The following SLC44A5 variants were observed in gnomAD, a reference collection of about 807,000 sequenced individuals.
SLC44A5 encodes the protein choline transporter-like protein 5.
In SLC44A5, 57 loss-of-function variants were observed where a neutral mutation model predicts 101.8. That is an observed-to-expected ratio of 0.56 (90% CI 0.45 to 0.70). The LOEUF (loss-of-function observed/expected upper bound fraction) is 0.70, where lower values mean the gene tolerates loss of function less well. SLC44A5 is among the 30% of genes least tolerant of loss of function. The probability of loss-of-function intolerance (pLI) is 0.00; values close to 1 mark genes in which losing one functional copy is unlikely to be tolerated. For synonymous variants in SLC44A5, 281 were observed against 290.9 expected, an observed-to-expected ratio of 0.97 and a Z score of 0.35; for missense variants, 737 against 853.1, an observed-to-expected ratio of 0.86 and a Z score of 1.70.
At chr1:75,502,860 C>T (rs1669042297) in intron 2 of SLC44A5, among the ~76,000 whole-genome samples, 1 of 152,056 alleles carries the variant, frequency 6.6e-6, no homozygotes, top group Non-Finnish European at 1.5e-5. Context: ...TGTAATAGGC[C>T]TCGCACTGGG....
At chr1:75,525,059 A>G (rs1670338689) in intron 2 of SLC44A5, among the ~76,000 whole-genome samples, 1 of 152,154 alleles carries the variant, frequency 6.6e-6, no homozygotes, top group Non-Finnish European at 1.5e-5. Context: ...TATAGAAAAA[A>G]TGATATAAAT....
Position 75,251,197 on chromosome 1 carries a change from C to G in SLC44A5, c.345+13G>C. The G allele has an allele frequency of 6.3e-7, 1 of 1,593,990 alleles. No homozygotes were observed. Among genetic ancestry groups the G allele is most frequent in the East Asian group, 2.2e-5 (1 of 44,732 alleles). ...AACGGCTGACACTACCAGTGAGGCA[C>G]CTTTTGCCTTACCTGTGTGGTAGGG... On this transcript the variant is annotated intron_variant, in intron 7 of 23. Coordinates refer to ENST00000370859, the MANE Select transcript of SLC44A5 (RefSeq NM_001130058.2).
intron 2 of SLC44A5, among the ~76,000 whole-genome samples, chr1:75,409,072 T>C (rs1663101654): frequency 6.6e-6 from 1 of 152,102 alleles, no homozygotes; most frequent in Admixed American, 6.6e-5. Flanking sequence ...GAGGCCATTA[T>C]CCTAAGTGAA....
At chr1:75,516,469 A>G (rs1269568484) in intron 2 of SLC44A5, among the ~76,000 whole-genome samples, 1 of 152,176 alleles carries the variant, frequency 6.6e-6, no homozygotes, top group Non-Finnish European at 1.5e-5. Flanking sequence ...GTGAGCGGAG[A>G]TCGCACCACT....
chr1:75,374,244 C>T (rs913197120), intron 3 of SLC44A5, among the ~76,000 whole-genome samples: 2 of 152,196 alleles, frequency 1.3e-5, no homozygotes, highest in African/African-American at 4.8e-5. Flanking sequence ...AGTCAACACA[C>T]AAGCTGAATA....
chr1:75,537,059 G>A (rs1671094971), intron 2 of SLC44A5, among the ~76,000 whole-genome samples: 1 of 125,790 alleles, frequency 7.9e-6, no homozygotes, highest in South Asian at 2.7e-4. Context: ...AAATGATTCT[G>A]AATATGTATA....
intron 3 of SLC44A5, among the ~76,000 whole-genome samples, chr1:75,363,265 C>T (rs1659625622): frequency 6.6e-6 from 1 of 151,794 alleles, no homozygotes; most frequent in Non-Finnish European, 1.5e-5. Flanking sequence ...GTCATTCTGT[C>T]TTTTGATTGG....
At chr1:75,422,186 C>T (rs1664049473) in intron 2 of SLC44A5, among the ~76,000 whole-genome samples, 2 of 152,144 alleles carry the variant, frequency 1.3e-5, no homozygotes, top group African/African-American at 4.8e-5. Context: ...AAAGCAAACG[C>T]CCTTTCTGGA....
intron 2 of SLC44A5, among the ~76,000 whole-genome samples, chr1:75,442,998 C>T (rs905976871): frequency 1.3e-5 from 2 of 152,108 alleles, no homozygotes; most frequent in Non-Finnish European, 2.9e-5. Flanking sequence ...CATAACAAAA[C>T]CTTTTCAAAA....
intron 3 of SLC44A5, 116 bp downstream of exon 3, chr1:75,396,467 T>G: frequency 2.2e-6 from 2 of 891,938 alleles, no homozygotes; most frequent in Non-Finnish European, 3.5e-6. Context: ...AGTCAGCAAT[T>G]ATTCTTTACC....
chr1:75,619,841 T>C, the SLC44A5 span, among the ~76,000 whole-genome samples: 3,974 of 152,280 alleles, frequency 0.026, 72 homozygotes, highest in Non-Finnish European at 0.039. Context: ...ATTCTTTTTA[T>C]TATTATTATA....
intron 4 of SLC44A5, among the ~76,000 whole-genome samples, chr1:75,308,930 C>T (rs1305908849): frequency 6.6e-6 from 1 of 152,054 alleles, no homozygotes; most frequent in Non-Finnish European, 1.5e-5. Context: ...TACTATTTGT[C>T]ACCTCAAATT....
the SLC44A5 span, among the ~76,000 whole-genome samples, chr1:75,712,713 A>AAAAAATGAAAAAAAAAAAAAAAAAAAAAC: frequency 1.8e-5 from 2 of 110,642 alleles, no homozygotes; most frequent in South Asian, 3.1e-4. Flanking sequence ...AAAAAAAAAA[A>AAAAAATGAAAAAAAAAAAAAAAAAAAAAC]ATGGAAAAGA....
At chr1:75,435,435 C>T (rs915892340) in intron 2 of SLC44A5, among the ~76,000 whole-genome samples, 5 of 152,094 alleles carry the variant, frequency 3.3e-5, no homozygotes, top group African/African-American at 1.2e-4. Flanking sequence ...GAAAAAGGAG[C>T]CTTCTTTTCT....
At chr1:75,232,672 T>A (rs1271873849) in intron 12 of SLC44A5, among the ~76,000 whole-genome samples, 3 of 152,170 alleles carry the variant, frequency 2.0e-5, no homozygotes, top group Non-Finnish European at 2.9e-5. Context: ...CAATGCATAC[T>A]GATTGTCAGC....
At chr1:75,701,156 A>T in the SLC44A5 span, among the ~76,000 whole-genome samples, 1 of 152,192 alleles carries the variant, frequency 6.6e-6, no homozygotes, top group African/African-American at 2.4e-5. Context: ...AACTCATTTT[A>T]TGAGCCCAGC....
At chr1:75,531,630 C>T (rs1670724963) in intron 2 of SLC44A5, among the ~76,000 whole-genome samples, 1 of 152,172 alleles carries the variant, frequency 6.6e-6, no homozygotes, top group African/African-American at 2.4e-5. Context: ...TGGTCCGTGT[C>T]ACACTTTGAC....
intron 1 of SLC44A5, among the ~76,000 whole-genome samples, chr1:75,583,668 G>GAA (rs941240290): frequency 6.6e-6 from 1 of 152,112 alleles, no homozygotes; most frequent in Non-Finnish European, 1.5e-5. Flanking sequence ...TTTCTCTCAA[G>GAA]AAAAAACTCA....
chr1:75,238,503 A>T lies in SLC44A5; in HGVS notation c.656+10T>A, dbSNP rs773108502. On this transcript the variant is annotated intron_variant, in intron 10 of 23. Transcript: ENST00000370859. Reference sequence around the variant, plus strand: ...CATCAAACTGAAAATTAGAATGTAAACACACATACTTTGCAGCAATCCCGA... The same window carrying T: ...CATCAAACTGAAAATTAGAATGTAATCACACATACTTTGCAGCAATCCCGA... The T allele has an allele frequency of 6.4e-7, 1 of 1,568,180 alleles. No individual in the cohort carries two copies. The highest frequency in any genetic ancestry group is 1.2e-5 in the South Asian group (1 of 81,900).
Sources: gnomAD v4.1 joint callset for allele counts (sites outside exome capture counted in the v4.1 genomes callset) on GRCh38, gnomAD v4.1.1 for gene constraint, MANE v1.5 for transcripts, NCBI Gene and HGNC (gene_info 2026-07-23, HGNC 2026-07-21) for gene names.